Variants in HCN1 observed in about 807,000 individuals in gnomAD.
HCN1 encodes the protein hyperpolarization activated cyclic nucleotide gated potassium channel 1.
Under a neutral mutation model 78.9 loss-of-function variants are expected in HCN1, and 13 were observed. The observed-to-expected ratio is 0.16, with a 90% CI of 0.11 to 0.26. HCN1 has a LOEUF of 0.26. Among genes scored for constraint, HCN1 ranks in the 10% least tolerant of loss-of-function variants. The probability of loss-of-function intolerance (pLI) is 1.00; values close to 1 mark genes in which losing one functional copy is unlikely to be tolerated. For missense variants in HCN1, 810 were observed against 1,154.3 expected, an observed-to-expected ratio of 0.70 and a Z score of 4.32; for synonymous variants, 552 against 455.5, an observed-to-expected ratio of 1.21 and a Z score of -2.70.
At chr5:45,402,018 T>C (rs1739823097) in intron 3 of HCN1, among the ~76,000 whole-genome samples, 1 of 152,038 alleles carries the variant, frequency 6.6e-6, no homozygotes, top group Non-Finnish European at 1.5e-5. Context: ...AAACACGAAG[T>C]TTGATGGGGA....
At chr5:45,372,010 T>G (rs1747382557) in intron 4 of HCN1, among the ~76,000 whole-genome samples, 1 of 75,014 alleles carries the variant, frequency 1.3e-5, no homozygotes, top group Non-Finnish European at 2.3e-5. Context: ...ATAGTATATA[T>G]CATATAATAT....
chr5:45,337,627 A>T (rs1236264148), intron 5 of HCN1, among the ~76,000 whole-genome samples: 1 of 152,150 alleles, frequency 6.6e-6, no homozygotes, highest in Non-Finnish European at 1.5e-5. Context: ...GGAAGTTAAG[A>T]AAGATAGTCC....
At chr5:45,637,912 T>C (rs1468162080) in intron 2 of HCN1, among the ~76,000 whole-genome samples, 4 of 152,116 alleles carry the variant, frequency 2.6e-5, no homozygotes, top group Non-Finnish European at 5.9e-5. Flanking sequence ...GTGGGTAATA[T>C]GGTAATAGTT....
chr5:45,672,645 T>C (rs1354862813), intron 1 of HCN1, among the ~76,000 whole-genome samples: 2 of 150,534 alleles, frequency 1.3e-5, no homozygotes, highest in Non-Finnish European at 3.0e-5. Context: ...ACGGTTGCCA[T>C]ATTTAATAAT....
chr5:45,608,092 A>G (rs189025558), intron 2 of HCN1, among the ~76,000 whole-genome samples: 1 of 152,076 alleles, frequency 6.6e-6, no homozygotes, highest in African/African-American at 2.4e-5. Context: ...AAATATTTAG[A>G]AGTGAAAGTT....
intron 2 of HCN1, among the ~76,000 whole-genome samples, chr5:45,500,706 T>A (rs1194019371): frequency 1.2e-4 from 19 of 152,154 alleles, no homozygotes; most frequent in Admixed American, 1.2e-3. Context: ...GGTCACAAGG[T>A]TTGCAAAATC....
intron 2 of HCN1, among the ~76,000 whole-genome samples, chr5:45,529,351 C>A (rs1742795586): frequency 6.6e-6 from 1 of 151,570 alleles, no homozygotes; most frequent in South Asian, 2.1e-4. Flanking sequence ...CAAATCAGAG[C>A]CCAGGTAAAG....
At chr5:45,550,669 G>A (rs1390562375) in intron 2 of HCN1, among the ~76,000 whole-genome samples, 1 of 151,616 alleles carries the variant, frequency 6.6e-6, no homozygotes, top group Non-Finnish European at 1.5e-5. Context: ...TAATGGATGA[G>A]TTTTTCATTT....
chr5:45,562,435 G>A (rs971517642), intron 2 of HCN1, among the ~76,000 whole-genome samples: 1 of 152,080 alleles, frequency 6.6e-6, no homozygotes, highest in Non-Finnish European at 1.5e-5. Flanking sequence ...ACTTTGGAAA[G>A]CTGAAACAGG....
At chr5:45,504,951 GT>G (rs1287762864) in intron 2 of HCN1, among the ~76,000 whole-genome samples, 2 of 151,940 alleles carry the variant, frequency 1.3e-5, no homozygotes, top group Non-Finnish European at 2.9e-5. Context: ...GGGGTTGTTT[GT>G]TTTTTTCTTG....
intron 4 of HCN1, among the ~76,000 whole-genome samples, chr5:45,392,775 G>T (rs1029175174): frequency 3.3e-5 from 5 of 149,746 alleles, no homozygotes; most frequent in African/African-American, 1.2e-4. Flanking sequence ...AACAGAGCGA[G>T]ACTCCATCTC....
chr5:45,640,499 T>C (rs1004337833), intron 2 of HCN1, among the ~76,000 whole-genome samples: 1 of 152,122 alleles, frequency 6.6e-6, no homozygotes, highest in African/African-American at 2.4e-5. Context: ...AGTAGAAATT[T>C]TCACTGGAAA....
At chr5:45,396,327 T>C (rs1455402230) in intron 4 of HCN1, among the ~76,000 whole-genome samples, 165 bp downstream of exon 4, 1 of 152,118 alleles carries the variant, frequency 6.6e-6, no homozygotes, top group African/African-American at 2.4e-5. Flanking sequence ...GAGAACTATC[T>C]TGAAGAAACC....
chr5:45,503,385 G>A (rs952356176), intron 2 of HCN1, among the ~76,000 whole-genome samples: 1 of 151,940 alleles, frequency 6.6e-6, no homozygotes, highest in Non-Finnish European at 1.5e-5. Context: ...AAATAGCTAG[G>A]GAAGAAGAGA....
intron 2 of HCN1, among the ~76,000 whole-genome samples, chr5:45,571,353 A>G (rs991984495): frequency 6.6e-6 from 1 of 152,144 alleles, no homozygotes; most frequent in Non-Finnish European, 1.5e-5. Flanking sequence ...TCTGACTCTT[A>G]AAAAGAGAAT....
chr5:45,372,362 T>C (rs1361504262), intron 4 of HCN1, among the ~76,000 whole-genome samples: 1 of 108,868 alleles, frequency 9.2e-6, no homozygotes, highest in Non-Finnish European at 1.7e-5. Context: ...ACATATTATA[T>C]ATAAAACATA....
intron 1 of HCN1, among the ~76,000 whole-genome samples, chr5:45,674,144 T>TATATATAG (rs1342349465): frequency 2.0e-5 from 3 of 151,164 alleles, no homozygotes; most frequent in Non-Finnish European, 4.4e-5. Context: ...TATATATGTA[T>TATATATAG]ATATATAGAT....
intron 2 of HCN1, among the ~76,000 whole-genome samples, chr5:45,509,684 G>A (rs550789319): frequency 3.7e-4 from 56 of 152,242 alleles, no homozygotes; most frequent in East Asian, 3.3e-3. Context: ...GACGGGCTAC[G>A]TTGGAGCTAT....
At chr5:45,386,490 T>C (rs1747911331) in intron 4 of HCN1, among the ~76,000 whole-genome samples, 1 of 152,132 alleles carries the variant, frequency 6.6e-6, no homozygotes, top group South Asian at 2.1e-4. Context: ...ACCTTTTCTC[T>C]TTCTCTTCTG....
Sources: allele counts gnomAD v4.1 joint callset (sites outside exome capture counted in the v4.1 genomes callset), GRCh38; gene constraint gnomAD v4.1.1; transcripts MANE v1.5; gene names NCBI Gene and HGNC (gene_info 2026-07-23, HGNC 2026-07-21).